The following AKAP6 variants were observed in gnomAD, a reference collection of about 807,000 sequenced individuals.
AKAP6 encodes the protein A-kinase anchor protein 6.
In AKAP6, 58 loss-of-function variants were observed where a neutral mutation model predicts 188.5. That is an observed-to-expected ratio of 0.31 (90% CI 0.25 to 0.38). The LOEUF (loss-of-function observed/expected upper bound fraction) is 0.38. Among genes scored for constraint, AKAP6 ranks in the 10% least tolerant of loss-of-function variants. The pLI is 1.00. For synonymous variants in AKAP6, 989 were observed against 998.6 expected, an observed-to-expected ratio of 0.99 and a Z score of 0.18; for missense variants, 2,710 against 2,740.0, an observed-to-expected ratio of 0.99 and a Z score of 0.24.
chr14:32,358,884 G>A (rs1233960292), intron 1 of AKAP6, among the ~76,000 whole-genome samples: 1 of 152,152 alleles, frequency 6.6e-6, no homozygotes, highest in East Asian at 1.9e-4. Flanking sequence ...GGACTGATTG[G>A]CCTTAGAGCT....
chr14:32,730,436 AAAATT>A (rs2031117872), intron 9 of AKAP6, among the ~76,000 whole-genome samples: 1 of 152,190 alleles, frequency 6.6e-6, no homozygotes, highest in Non-Finnish European at 1.5e-5. Flanking sequence ...TATTACATCT[AAAATT>A]AAATTAATTG....
chr14:32,825,776 C>G (rs771014498), intron 13 of AKAP6, among the ~76,000 whole-genome samples: 10 of 152,122 alleles, frequency 6.6e-5, no homozygotes, highest in African/African-American at 2.4e-4. Flanking sequence ...CTCCACCCCC[C>G]ACTCCAGAAG....
chr14:32,366,440 CAG>C (rs1358562883), intron 1 of AKAP6, among the ~76,000 whole-genome samples: 4 of 152,180 alleles, frequency 2.6e-5, no homozygotes, highest in Non-Finnish European at 5.9e-5. Context: ...CTACACCACC[CAG>C]TGGCTGGTAG....
intron 9 of AKAP6, among the ~76,000 whole-genome samples, chr14:32,717,451 C>T (rs1326510545): frequency 2.0e-5 from 3 of 152,036 alleles, no homozygotes; most frequent in Non-Finnish European, 4.4e-5. Context: ...GATTTATTCC[C>T]TGTAGACTAG....
chr14:32,625,338 G>A (rs1389340398), intron 7 of AKAP6, among the ~76,000 whole-genome samples: 1 of 152,030 alleles, frequency 6.6e-6, no homozygotes, highest in Non-Finnish European at 1.5e-5. Flanking sequence ...GTACCCAGAA[G>A]AGCCATGCCT....
intron 1 of AKAP6, among the ~76,000 whole-genome samples, chr14:32,409,983 C>A (rs189163096): frequency 6.6e-6 from 1 of 152,178 alleles, no homozygotes; most frequent in South Asian, 2.1e-4. Context: ...CCCTGTGTAA[C>A]GTGGCCTGCT....
chr14:32,830,110 G>T lies in AKAP6; in HGVS notation c.*305G>T. The T allele has an allele frequency of 1.7e-6, 1 of 597,162 alleles. No individual in the cohort carries two copies. Among genetic ancestry groups the T allele is most frequent in the African/African-American group, 1.9e-5 (1 of 53,056 alleles). The allele number at this position is 597,162 out of a possible 1,614,324, so 37.0% of individuals were successfully genotyped here. A position where few individuals can be genotyped will look rare whatever the true frequency, so the allele number is the denominator to read the frequency against. Reference sequence around the variant, plus strand: ...TACCTCTACCAACCCTCTCTCTCCAGCTAGACTTTTCTCTTTGCCTCCTCC... The same window carrying T: ...TACCTCTACCAACCCTCTCTCTCCATCTAGACTTTTCTCTTTGCCTCCTCC... On this transcript the variant is annotated 3_prime_UTR_variant, in exon 14 of 14. Transcript: ENST00000280979.
Position 32,600,682 on chromosome 14 carries a change from C to G in AKAP6, c.2620C>G (p.Gln874Glu). Residue 874 changes from glutamine to glutamate, a missense_variant, in exon 7 of 14, where the codon CAA becomes GAA. Coordinates refer to ENST00000280979, the MANE Select transcript of AKAP6 (RefSeq NM_004274.5). ...AAGTCAATGGAAGGAGCTGCAGAGG[C>G]AAATCAAACGGCAGCACAGCTGGAT... ...IASQWKELQR[Q>E]IKRQHSWILR... 1 of 1,613,464 alleles carries G rather than the reference C, an allele frequency of 6.2e-7. No homozygotes were observed. The highest frequency in any genetic ancestry group is 8.5e-7 in the Non-Finnish European group (1 of 1,179,758).
chr14:32,512,519 T>A (rs961191135), intron 2 of AKAP6, among the ~76,000 whole-genome samples: 12 of 152,180 alleles, frequency 7.9e-5, no homozygotes, highest in Non-Finnish European at 1.8e-4. Flanking sequence ...ATTATTTGAA[T>A]GAACCCTTCA....
chr14:32,418,492 A>G (rs1174977651), intron 1 of AKAP6, among the ~76,000 whole-genome samples: 1 of 152,206 alleles, frequency 6.6e-6, no homozygotes, highest in Non-Finnish European at 1.5e-5. Flanking sequence ...CTTAGGCCTT[A>G]GCACTCTCAT....
At chr14:32,791,973 G>A (rs2033623508) in intron 12 of AKAP6, among the ~76,000 whole-genome samples, 1 of 151,976 alleles carries the variant, frequency 6.6e-6, no homozygotes, top group South Asian at 2.1e-4. Flanking sequence ...CTTTTCTATT[G>A]GTCTATATCT....
chr14:32,578,873 CT>C (rs959190849), intron 5 of AKAP6, among the ~76,000 whole-genome samples: 1 of 151,980 alleles, frequency 6.6e-6, no homozygotes, highest in African/African-American at 2.4e-5. Flanking sequence ...CCAATGAGCA[CT>C]CTCTTTTTCA....
rs554830864 is a variant in AKAP6 at position 32,696,440 on chromosome 14, T to A, written c.3000+330T>A. On this transcript the variant is annotated intron_variant, in intron 9 of 13. Coordinates refer to ENST00000280979, the MANE Select transcript of AKAP6 (RefSeq NM_004274.5). ...TGAAGGATAAATGGACTAGTAATGT[T>A]TAACAAAACGTGGTACGATTGGAGC... 7.6e-4 allele frequency among the ~76,000 whole-genome samples: 116 copies of A among 152,326 alleles called. 1 individual carries two copies. The Middle Eastern group carries it at 0.017, about 22-fold the overall frequency.
chr14:32,610,005 A>G (rs1055792453), intron 7 of AKAP6, among the ~76,000 whole-genome samples: 2 of 152,014 alleles, frequency 1.3e-5, no homozygotes, highest in African/African-American at 4.8e-5. Flanking sequence ...TTGTGTAACC[A>G]TTGTGTGTGG....
At chr14:32,449,878 G>A (rs1479077972) in intron 2 of AKAP6, among the ~76,000 whole-genome samples, 2 of 152,186 alleles carry the variant, frequency 1.3e-5, no homozygotes, top group Non-Finnish European at 2.9e-5. Flanking sequence ...GATTTCAGAA[G>A]CACACTGAGA....
intron 1 of AKAP6, among the ~76,000 whole-genome samples, chr14:32,352,740 A>C (rs1887331257): frequency 6.6e-6 from 1 of 152,190 alleles, no homozygotes; most frequent in African/African-American, 2.4e-5. Flanking sequence ...ACAAGATTTC[A>C]TTTTTTAGTG....
chr14:32,457,619 G>A (rs570477962), intron 2 of AKAP6, among the ~76,000 whole-genome samples: 1 of 152,252 alleles, frequency 6.6e-6, no homozygotes, highest in Admixed American at 6.5e-5. Flanking sequence ...TGATGACCAC[G>A]CTGGAAATTC....
Position 32,678,308 on chromosome 14 carries a change from C to A in AKAP6, c.2731-3C>A. On this transcript the variant is annotated splice_polypyrimidine_tract_variant and splice_region_variant and intron_variant, in intron 7 of 13. Coordinates refer to ENST00000280979, the MANE Select transcript of AKAP6 (RefSeq NM_004274.5). ...AGCAATTTCTCTTTGTTTCTCTTTC[C>A]AGGCTGAGGTTCAACTATGCTACCT... 1 of 1,603,588 alleles carries A rather than the reference C, an allele frequency of 6.2e-7. No individual in the cohort carries two copies. The highest frequency in any genetic ancestry group is 2.2e-5 in the East Asian group (1 of 44,456).
chr14:32,523,306 T>A (rs1226373235), intron 2 of AKAP6, among the ~76,000 whole-genome samples: 1 of 152,008 alleles, frequency 6.6e-6, no homozygotes, highest in Non-Finnish European at 1.5e-5. Context: ...GTGCACATGT[T>A]CCCTAGAACT....
Sources: gnomAD v4.1 joint callset for allele counts (sites outside exome capture counted in the v4.1 genomes callset) on GRCh38, gnomAD v4.1.1 for gene constraint, MANE v1.5 for transcripts, NCBI Gene and HGNC (gene_info 2026-07-23, HGNC 2026-07-21) for gene names.